GATM: variants seen among roughly 807,000 people sequenced by gnomAD.
The protein encoded by GATM is glycine amidinotransferase, mitochondrial.
Under a neutral mutation model 54.2 loss-of-function variants are expected in GATM, and 23 were observed. The observed-to-expected ratio is 0.42, with a 90% CI of 0.31 to 0.60. The LOEUF (loss-of-function observed/expected upper bound fraction) is 0.60. Ranked by LOEUF, GATM falls within the 20% of genes least tolerant of loss-of-function variation. The pLI is 0.14. For missense variants in GATM, 401 were observed against 544.9 expected (o/e 0.74, Z 2.63); for synonymous variants, 168 against 183.1 (o/e 0.92, Z 0.67).
upstream of GATM, chr15:45,380,270 A>G (rs1219440045): frequency 6.7e-6 from 1 of 149,740 alleles, no homozygotes. Context: ...AAAAAAAGCT[A>G]TATGAGGTAA....
At chr15:45,378,996 T>G (rs1318429617), upstream of GATM, 2 of 152,162 alleles carry the variant, frequency 1.3e-5, no homozygotes. Flanking sequence ...TGGTGCAACA[T>G]CGGGTTTGAG....
chr15:45,395,302 G>A (rs1483579408), intron 3 of GATM, among the ~76,000 whole-genome samples: 3 of 152,026 alleles, frequency 2.0e-5, no homozygotes, highest in Non-Finnish European at 4.4e-5. Flanking sequence ...TATTATAGCA[G>A]GCTAAAATTC....
intron 6 of GATM, among the ~76,000 whole-genome samples, chr15:45,365,365 C>A (rs1889430872): frequency 6.6e-6 from 1 of 152,138 alleles, no homozygotes; most frequent in African/African-American, 2.4e-5. Flanking sequence ...TGTTCACATA[C>A]CCACTTACTA....
At chr15:45,377,122 T>C in intron 1 of GATM, 2 of 474,004 alleles carry the variant, frequency 4.2e-6, no homozygotes, top group Non-Finnish European at 8.1e-6. Context: ...ATGCAATTCC[T>C]GCACTCAAGC....
chr15:45,401,455 T>G (rs1193354189), intron 1 of GATM, among the ~76,000 whole-genome samples: 1 of 152,182 alleles, frequency 6.6e-6, no homozygotes, highest in African/African-American at 2.4e-5. Flanking sequence ...AGGTATATCT[T>G]CTTGTCTTTG....
chr15:45,363,848 T>C, intron 8 of GATM, 52 bp downstream of exon 8: 1 of 1,084,970 alleles, frequency 9.2e-7, no homozygotes, highest in East Asian at 2.4e-5. Context: ...TCTTTAGTTC[T>C]TCTCATTTAA....
Position 45,368,097 on chromosome 15 carries a change from G to A in GATM, c.648C>T (p.Pro216=), listed in dbSNP as rs1566840446. ...GGTTATAAAGCTCATCAGCCATTGT[G>A]GGCTTAGGAGCTGTTGTCCACTTGG... ...RGAKWTTAPK[P]TMADELYNQD... is the part of the protein sequence containing the mutation. The change falls in exon 4 of 9, where the codon CCC becomes CCT. Residue 216 remains proline (P), a synonymous_variant. Transcript: ENST00000396659. This position sits in a 1 kb window ranked among gnomAD's most constrained non-coding sequence, Gnocchi z 5.1. 3 of 1,613,908 alleles carry A rather than the reference G, an allele frequency of 1.9e-6. No homozygotes were observed. Among genetic ancestry groups the A allele is most frequent in the Non-Finnish European group, 2.5e-6 (3 of 1,179,994 alleles).
chr15:45,384,446 C>G (rs1188681832), intron 3 of GATM, among the ~76,000 whole-genome samples: 1 of 152,104 alleles, frequency 6.6e-6, no homozygotes, highest in East Asian at 1.9e-4. Context: ...TAGCTTAGAT[C>G]TCTGTTGGGA....
chr15:45,376,493 C>T, intron 2 of GATM, 108 bp downstream of exon 2: 1 of 888,998 alleles, frequency 1.1e-6, no homozygotes, highest in South Asian at 1.3e-5. Flanking sequence ...ATAACTTAAT[C>T]ACTGGATTGA....
intron 1 of GATM, chr15:45,399,631 C>T (rs1342938097): frequency 6.5e-6 from 1 of 153,084 alleles, no homozygotes; most frequent in Non-Finnish European, 1.5e-5. Flanking sequence ...TATAAGCTAC[C>T]TCGTTCGTAG....
chr15:45,377,293 T>A, intron 1 of GATM: 1 of 453,670 alleles, frequency 2.2e-6, no homozygotes, highest in South Asian at 1.6e-5. Context: ...TTTTTACAAA[T>A]GAAAAGTTGG....
chr15:45,371,396 A>G (rs1490345385), intron 2 of GATM, among the ~76,000 whole-genome samples: 1 of 152,262 alleles, frequency 6.6e-6, no homozygotes, highest in African/African-American at 2.4e-5. Flanking sequence ...TTATTTATAT[A>G]ATTGATGAAC....
rs1379980423 is a variant in GATM, at chr15:45,378,418, G to A, written c.36C>T (p.Arg12=). The A allele has an allele frequency of 4.0e-6, 6 of 1,503,954 alleles. No individual in the cohort carries two copies. In the Admixed American group the frequency reaches 1.1e-4, roughly 27 times the overall value. The allele number at this position is 1,503,954 out of a possible 1,614,324, so 93.2% of individuals were successfully genotyped here. A position where few individuals can be genotyped will look rare whatever the true frequency, so the allele number is the denominator to read the frequency against. The change falls in exon 1 of 9, where the codon CGC becomes CGT. Residue 12 remains arginine, a synonymous_variant. Transcript: ENST00000396659. ...CGATGTAGTGCACCGCCTCGGCGCCGCGGCTCCCGCCGCGCAGACACCGCA... is the reference window on the plus strand; with the variant it reads ...CGATGTAGTGCACCGCCTCGGCGCCACGGCTCCCGCCGCGCAGACACCGCA... The part of the protein sequence containing the change: ...LRVRCLRGGS[R]GAEAVHYIGS...
chr15:45,399,532 C>G (rs1377716122), intron 2 of GATM: 1 of 154,564 alleles, frequency 6.5e-6, no homozygotes, highest in East Asian at 1.9e-4. Flanking sequence ...TGTCTCTAGA[C>G]AGGGGGCCCT....
chr15:45,399,044 G>A (rs1889967612), intron 2 of GATM, among the ~76,000 whole-genome samples: 1 of 151,996 alleles, frequency 6.6e-6, no homozygotes, highest in Non-Finnish European at 1.5e-5. Context: ...ATGTAACAAA[G>A]GACATAAAGA....
chr15:45,390,140 C>G (rs142438822), intron 3 of GATM, among the ~76,000 whole-genome samples: 139 of 152,324 alleles, frequency 9.1e-4, no homozygotes, highest in African/African-American at 3.3e-3. Flanking sequence ...GCATGAGCCA[C>G]TGTGCCCAGC....
upstream of GATM, chr15:45,379,223 A>G (rs1889699774): frequency 6.6e-6 from 1 of 152,126 alleles, no homozygotes; most frequent in South Asian, 2.1e-4. Context: ...TCATGTTTTA[A>G]AATTTTTGTT....
intron 3 of GATM, among the ~76,000 whole-genome samples, chr15:45,369,073 G>A (rs536033671): frequency 4.3e-4 from 65 of 152,308 alleles, no homozygotes; most frequent in Non-Finnish European, 6.5e-4. Flanking sequence ...CTGTTATTAT[G>A]TAAGGAAATG....
chr15:45,402,107 TGTA>T (rs1217134703), exon 1 of GATM: 1 of 349,970 alleles, frequency 2.9e-6, no homozygotes. Flanking sequence ...CCAAGATATA[TGTA>T]ACCACCAAAG....
Sources: allele counts gnomAD v4.1 joint callset (sites outside exome capture counted in the v4.1 genomes callset), GRCh38; gene constraint gnomAD v4.1.1; non-coding constraint Gnocchi (gnomAD v3.1); transcripts MANE v1.5; gene names NCBI Gene and HGNC (gene_info 2026-07-23, HGNC 2026-07-21).